The following ANTXR1 variants were observed in gnomAD, a reference collection of about 807,000 sequenced individuals.
ANTXR1 encodes anthrax toxin receptor 1.
ANTXR1 carries 19 observed loss-of-function variants against 78.1 expected under a neutral mutation model. That is an observed-to-expected ratio of 0.24 (90% CI 0.17 to 0.36). The LOEUF is 0.36. Ranked by LOEUF, ANTXR1 falls within the 10% of genes least tolerant of loss-of-function variation. The pLI, the probability that ANTXR1 is intolerant of heterozygous loss-of-function variation, is 1.00. For synonymous variants in ANTXR1, 273 were observed against 260.5 expected (o/e 1.05, Z -0.46); for missense variants, 518 against 718.6 (o/e 0.72, Z 3.19).
chr2:69,227,366 A>C (rs1675482675), intron 17 of ANTXR1, among the ~76,000 whole-genome samples: 1 of 152,146 alleles, frequency 6.6e-6, no homozygotes, highest in Non-Finnish European at 1.5e-5. Flanking sequence ...AAAGGTGGGC[A>C]TCCAACTCCA....
intron 14 of ANTXR1, among the ~76,000 whole-genome samples, chr2:69,177,174 T>C (rs1192945553): frequency 6.6e-6 from 1 of 152,194 alleles, no homozygotes; most frequent in African/African-American, 2.4e-5. Flanking sequence ...AGCATTGCAT[T>C]CTCTGGGGAA....
intron 10 of ANTXR1, among the ~76,000 whole-genome samples, chr2:69,119,603 C>G (rs142719875): frequency 1.4e-3 from 215 of 152,318 alleles, no homozygotes; most frequent in African/African-American, 4.8e-3. Flanking sequence ...TGCGGTGCAA[C>G]CTTAGCTCAC....
chr2:69,198,652 A>C (rs1481259830), intron 17 of ANTXR1, among the ~76,000 whole-genome samples: 3 of 152,188 alleles, frequency 2.0e-5, no homozygotes, highest in Non-Finnish European at 4.4e-5. Flanking sequence ...CAAATCTATA[A>C]ATATTTATGA....
chr2:69,110,312 A>G (rs1671936528), intron 10 of ANTXR1, among the ~76,000 whole-genome samples: 1 of 152,216 alleles, frequency 6.6e-6, no homozygotes, highest in South Asian at 2.1e-4. Flanking sequence ...ATGTTTACAA[A>G]GACTTGGCCA....
At chr2:69,049,838 A>G (rs1357809964) in intron 3 of ANTXR1, among the ~76,000 whole-genome samples, 1 of 152,182 alleles carries the variant, frequency 6.6e-6, no homozygotes, top group African/African-American at 2.4e-5. Flanking sequence ...TGCTAACTTC[A>G]TACATTTTAT....
intron 10 of ANTXR1, chr2:69,103,813 G>T (rs760232387): frequency 3.2e-5 from 5 of 154,664 alleles, no homozygotes; most frequent in Non-Finnish European, 5.9e-5. Flanking sequence ...GTAATGCTAT[G>T]TACCTTCTAA....
In ANTXR1 at chr2:69,249,208, C is replaced by T. The variant is rs933998453; in HGVS notation, c.*3723C>T. 1 of 141,908 alleles carries T rather than the reference C, an allele frequency of 7.0e-6. No homozygotes were observed. Among genetic ancestry groups the T allele is most frequent in the Admixed American group, 7.3e-5 (1 of 13,732 alleles). 8.8% of individuals were successfully genotyped at this position (141,908 alleles called of 1,614,324 possible). ...GTTGTCTGTTTGTTATAAAGTGCAA[C>T]GTATTCAAGTCCTCAATATCCTGAT... On this transcript the variant is annotated 3_prime_UTR_variant, in exon 18 of 18. Transcript: ENST00000303714.
intron 3 of ANTXR1, among the ~76,000 whole-genome samples, chr2:69,060,622 A>G (rs1670206052): frequency 6.6e-6 from 1 of 152,242 alleles, no homozygotes; most frequent in African/African-American, 2.4e-5. Flanking sequence ...CAAATCTTTC[A>G]GAGAAGAGAG....
chr2:69,053,206 G>A (rs1239233564), intron 3 of ANTXR1, among the ~76,000 whole-genome samples: 6 of 152,096 alleles, frequency 3.9e-5, no homozygotes, highest in African/African-American at 1.4e-4. Context: ...TCAGTACTGG[G>A]ATTTGGGAAA....
At chr2:69,039,951 T>C in intron 1 of ANTXR1, 93 bp from the exon 2 acceptor site, 1 of 1,067,806 alleles carries the variant, frequency 9.4e-7, no homozygotes, top group Non-Finnish European at 1.4e-6. Context: ...ATTGGAGAGG[T>C]CAAATGTAAA....
chr2:69,232,668 C>A (rs1675651484), intron 17 of ANTXR1, among the ~76,000 whole-genome samples: 1 of 151,996 alleles, frequency 6.6e-6, no homozygotes, highest in Non-Finnish European at 1.5e-5. Context: ...TAAATTCTTT[C>A]ATTATTAAAC....
intron 12 of ANTXR1, among the ~76,000 whole-genome samples, chr2:69,141,606 G>A (rs899064977): frequency 6.6e-5 from 10 of 152,190 alleles, no homozygotes; most frequent in Non-Finnish European, 1.3e-4. Flanking sequence ...GCCTGACCCT[G>A]GGAGACATAC....
intron 10 of ANTXR1, among the ~76,000 whole-genome samples, chr2:69,119,519 C>T (rs1265000080): frequency 2.0e-5 from 3 of 152,256 alleles, no homozygotes; most frequent in Non-Finnish European, 2.9e-5. Flanking sequence ...ACAAGCCTTT[C>T]CTGGAATGGA....
intron 10 of ANTXR1, chr2:69,103,171 G>A (rs918439164): frequency 4.6e-5 from 26 of 565,714 alleles, no homozygotes; most frequent in Non-Finnish European, 8.0e-5. Flanking sequence ...GCAGAGCAAG[G>A]CTGGACTTGA....
chr2:69,082,378 CAAG>C lies in ANTXR1; in HGVS notation c.642+4897_642+4899del, dbSNP rs149885176. On this transcript the variant is annotated intron_variant, in intron 8 of 17. Coordinates refer to ENST00000303714, the MANE Select transcript of ANTXR1 (RefSeq NM_032208.3). ...TCTGCAGAATATGGTGATAAAATTA[CAAG>C]AAGAAGTCTGGATGGCTGGAAGATT... 8.5e-3 allele frequency among the ~76,000 whole-genome samples: 1,295 copies of C among 152,168 alleles called. 31 individuals are homozygous for C. The East Asian group carries it at 0.085, about 10-fold the overall frequency.
intron 17 of ANTXR1, among the ~76,000 whole-genome samples, chr2:69,223,985 C>T (rs7573062): frequency 0.13 from 19,450 of 152,180 alleles, 2,622 homozygotes; most frequent in East Asian, 0.42. Context: ...CATCTCCACC[C>T]GGTCCTGCCA....
chr2:69,235,205 T>C (rs1675725669), intron 17 of ANTXR1, among the ~76,000 whole-genome samples: 1 of 151,892 alleles, frequency 6.6e-6, no homozygotes, highest in Admixed American at 6.6e-5. Context: ...GTATTTTTAG[T>C]AGAGACAGGG....
At chr2:69,070,752 C>A in intron 4 of ANTXR1, 24 bp downstream of exon 4, 2 of 1,602,576 alleles carry the variant, frequency 1.2e-6, no homozygotes, top group Middle Eastern at 3.3e-4. Context: ...AGTTTGAAAT[C>A]CAAATATAAA....
intron 14 of ANTXR1, among the ~76,000 whole-genome samples, chr2:69,180,131 G>A (rs780359167): frequency 6.6e-6 from 1 of 152,234 alleles, no homozygotes; most frequent in Non-Finnish European, 1.5e-5. Flanking sequence ...GTCTTAATGT[G>A]CCAACATGTT....
Sources: gnomAD v4.1 joint callset for allele counts (sites outside exome capture counted in the v4.1 genomes callset) on GRCh38, gnomAD v4.1.1 for gene constraint, MANE v1.5 for transcripts, NCBI Gene and HGNC (gene_info 2026-07-23, HGNC 2026-07-21) for gene names.